Variants in SMC6 observed in about 807,000 individuals in gnomAD.
SMC6 encodes the protein structural maintenance of chromosomes protein 6.
In SMC6, 79 loss-of-function variants were observed where a neutral mutation model predicts 142.2. The observed-to-expected ratio is 0.56, with a 90% confidence interval of 0.46 to 0.67. The LOEUF (loss-of-function observed/expected upper bound fraction) is 0.67, where lower values mean the gene tolerates loss of function less well. Ranked by LOEUF, SMC6 falls within the 30% of genes least tolerant of loss-of-function variation. The pLI, the probability that SMC6 is intolerant of heterozygous loss-of-function variation, is 0.00. For missense variants in SMC6, 1,072 were observed against 1,284.0 expected (o/e 0.83, Z 2.52); for synonymous variants, 411 against 412.4 (o/e 1.00, Z 0.04).
chr2:17,726,759 T>C (rs1669648519), intron 7 of SMC6, among the ~76,000 whole-genome samples: 1 of 152,214 alleles, frequency 6.6e-6, no homozygotes, highest in Non-Finnish European at 1.5e-5. Context: ...GTTTTTATTA[T>C]AAAGTTTTTC....
At chr2:17,670,252 AG>A in intron 26 of SMC6, among the ~76,000 whole-genome samples, 170 bp downstream of exon 26, 1 of 152,310 alleles carries the variant, frequency 6.6e-6, no homozygotes, top group East Asian at 1.9e-4. Context: ...CCTAGAAGCA[AG>A]GGAGAGAACT....
At chr2:17,737,350 T>G (rs1483159084) in intron 5 of SMC6, among the ~76,000 whole-genome samples, 2 of 152,206 alleles carry the variant, frequency 1.3e-5, no homozygotes, top group African/African-American at 4.8e-5. Flanking sequence ...TTAGTGTTAA[T>G]TATGAAAGTT....
intron 9 of SMC6, among the ~76,000 whole-genome samples, 184 bp downstream of exon 9, chr2:17,725,073 T>G (rs1479560364): frequency 2.0e-5 from 3 of 152,072 alleles, no homozygotes; most frequent in Non-Finnish European, 4.4e-5. Context: ...TATTACAAAA[T>G]AAAAAAGTAA....
chr2:17,739,043 A>G (rs1670297682), intron 4 of SMC6, among the ~76,000 whole-genome samples: 2 of 152,212 alleles, frequency 1.3e-5, no homozygotes, highest in African/African-American at 4.8e-5. Flanking sequence ...TTAGCACATA[A>G]TAAGTACTTG....
At chr2:17,673,572 T>C (rs962871920) in intron 25 of SMC6, among the ~76,000 whole-genome samples, 1 of 150,240 alleles carries the variant, frequency 6.7e-6, no homozygotes, top group Non-Finnish European at 1.5e-5. Flanking sequence ...ATTTTTTTTT[T>C]TAAATTTTTT....
intron 14 of SMC6, 91 bp from the exon 15 acceptor site, chr2:17,716,355 C>CG: frequency 8.2e-7 from 1 of 1,226,036 alleles, no homozygotes; most frequent in Non-Finnish European, 1.1e-6. Flanking sequence ...TCCCAGTGAA[C>CG]GACCCAGCTA....
At chr2:17,674,062 T>C (rs1199290042) in intron 25 of SMC6, among the ~76,000 whole-genome samples, 1 of 152,150 alleles carries the variant, frequency 6.6e-6, no homozygotes, top group Non-Finnish European at 1.5e-5. Flanking sequence ...TACTCTCCAA[T>C]TTCTGCTCTT....
chr2:17,717,142 G>C lies in SMC6; in HGVS notation c.1127C>G (p.Ala376Gly), dbSNP rs923077003. The C allele has an allele frequency of 3.0e-5, 48 of 1,610,662 alleles. No individual in the cohort carries two copies. The highest frequency in any genetic ancestry group is 4.1e-5 in the Non-Finnish European group (48 of 1,178,964). ...LYNRSLNEYK[A>G]LKKDDEQLCK... is the part of the protein sequence containing the mutation. ...AAGCTGCTCATCATCTTTCTTTAAT[G>C]CTTTATATTCGTTTAAGGATCGGTT... The change falls in exon 13 of 28, where the codon GCA becomes GGA. Residue 376 changes from alanine (A) to glycine (G), a missense_variant. Transcript: ENST00000448223.
intron 24 of SMC6, chr2:17,679,468 G>A (rs1572255129): frequency 6.6e-6 from 1 of 152,104 alleles, no homozygotes; most frequent in African/African-American, 2.4e-5. Context: ...CACTTTGCTT[G>A]GCACAATGCA....
rs1299312461 is a variant in SMC6 at position 17,664,518 on chromosome 2, T to C, written c.*981A>G. On this transcript the variant is annotated 3_prime_UTR_variant, in exon 28 of 28. Coordinates refer to ENST00000448223, the MANE Select transcript of SMC6 (RefSeq NM_001142286.2). ...CAATACATTCTTAAAAAGTTTAGCATGAATCCTAGTATCAAACAAATAATA... is the reference window on the plus strand; with the variant it reads ...CAATACATTCTTAAAAAGTTTAGCACGAATCCTAGTATCAAACAAATAATA... 6.6e-6 allele frequency: 1 copy of C among 152,236 alleles called. No individual in the cohort carries two copies. The highest frequency in any genetic ancestry group is 1.5e-5 in the Non-Finnish European group (1 of 68,036). 9.4% of individuals were successfully genotyped at this position (152,236 alleles called of 1,614,324 possible). A position where few individuals can be genotyped will look rare whatever the true frequency, so the allele number is the denominator to read the frequency against.
At chr2:17,738,380 C>T in intron 4 of SMC6, 54 bp from the exon 5 acceptor site, 2 of 1,275,218 alleles carry the variant, frequency 1.6e-6, no homozygotes, top group Non-Finnish European at 2.2e-6. Flanking sequence ...AAGGAAAAAG[C>T]TGACTCCTAC....
intron 2 of SMC6, among the ~76,000 whole-genome samples, chr2:17,748,243 C>G (rs531021643): frequency 6.6e-6 from 1 of 152,168 alleles, no homozygotes; most frequent in Non-Finnish European, 1.5e-5. Context: ...ATCTCAGGCC[C>G]CACCCTAGAG....
rs903728050 is a variant in SMC6, at chr2:17,664,699, GCCTCAGGCTCCTGGAGCCAT to G, written c.*780_*799del. ...ATGTCAGCTCACCATCAACTGCATG[GCCTCAGGCTCCTGGAGCCAT>G]GAGCTACTCTCCTGCTCCATGAGGA... On this transcript the variant is annotated 3_prime_UTR_variant, in exon 28 of 28. Coordinates refer to ENST00000448223, the MANE Select transcript of SMC6 (RefSeq NM_001142286.2). The G allele has an allele frequency of 6.6e-6, 1 of 152,106 alleles. No homozygotes were observed. Among genetic ancestry groups the G allele is most frequent in the Non-Finnish European group, 1.5e-5 (1 of 68,044 alleles). The allele number at this position is 152,106 out of a possible 1,614,324, so 9.4% of individuals were successfully genotyped here.
At chr2:17,702,865 C>G (rs1668337684) in intron 19 of SMC6, among the ~76,000 whole-genome samples, 1 of 152,172 alleles carries the variant, frequency 6.6e-6, no homozygotes, top group African/African-American at 2.4e-5. Context: ...ACTCTCAGTC[C>G]ATTAAACCTC....
chr2:17,700,126 T>C, intron 21 of SMC6, 82 bp downstream of exon 21: 1 of 917,640 alleles, frequency 1.1e-6, no homozygotes, highest in Admixed American at 3.0e-5. Flanking sequence ...AAAAATTCTT[T>C]TAGGCCAATA....
chr2:17,723,634 C>A (rs1669479836), intron 9 of SMC6, among the ~76,000 whole-genome samples: 1 of 152,112 alleles, frequency 6.6e-6, no homozygotes, highest in African/African-American at 2.4e-5. Context: ...CTGCCAGTAC[C>A]CTATTAAGTG....
At chr2:17,672,202 A>G (rs949545074) in intron 25 of SMC6, among the ~76,000 whole-genome samples, 2 of 152,192 alleles carry the variant, frequency 1.3e-5, no homozygotes, top group African/African-American at 4.8e-5. Flanking sequence ...ATGAAGCCCC[A>G]AGTAAATCTG....
chr2:17,703,169 A>G lies in SMC6; in HGVS notation c.2130T>C (p.Tyr710=), dbSNP rs763868983. ...EELLKRCQLH[Y]KELKMKIRKN... ...ATTATTTTTTTACCTTTAGTTCTTT[A>G]TAATGTAGTTGGCACCTTTTAAGAA... Residue 710 remains tyrosine, a synonymous_variant, in exon 19 of 28, where the codon TAT becomes TAC. Coordinates refer to ENST00000448223, the MANE Select transcript of SMC6 (RefSeq NM_001142286.2). 13 of 1,447,572 alleles carry G rather than the reference A, an allele frequency of 9.0e-6. No individual in the cohort carries two copies. Among genetic ancestry groups the G allele is most frequent in the Non-Finnish European group, 1.2e-5 (13 of 1,049,964 alleles). 89.7% of individuals were successfully genotyped at this position (1,447,572 alleles called of 1,614,324 possible).
At chr2:17,725,161 T>C in intron 9 of SMC6, 96 bp downstream of exon 9, 1 of 781,058 alleles carries the variant, frequency 1.3e-6, no homozygotes, top group Non-Finnish European at 2.0e-6. Context: ...TAGTTTTATA[T>C]AAATATACAG....
Sources: gnomAD v4.1 joint callset for allele counts (sites outside exome capture counted in the v4.1 genomes callset) on GRCh38, gnomAD v4.1.1 for gene constraint, MANE v1.5 for transcripts, NCBI Gene and HGNC (gene_info 2026-07-23, HGNC 2026-07-21) for gene names.